UNC13B: variants seen among roughly 807,000 people sequenced by gnomAD.
UNC13B encodes protein unc-13 homolog B.
UNC13B carries 144 observed loss-of-function variants against 211.0 expected under a neutral mutation model. The observed-to-expected ratio is 0.68, with a 90% CI of 0.60 to 0.78. UNC13B has a LOEUF of 0.78. UNC13B is among the 30% of genes least tolerant of loss of function. The probability of loss-of-function intolerance (pLI) is 0.00; values close to 1 mark genes in which losing one functional copy is unlikely to be tolerated. For missense variants in UNC13B, 1,777 were observed against 2,002.0 expected (o/e 0.89, Z 2.14); for synonymous variants, 709 against 725.8 (o/e 0.98, Z 0.37).
intron 1 of UNC13B, among the ~76,000 whole-genome samples, chr9:35,162,549 C>T (rs1820837908): frequency 6.6e-6 from 1 of 152,208 alleles, no homozygotes; most frequent in Non-Finnish European, 1.5e-5. Context: ...TGTTGGACTG[C>T]AGGCTCAGAT....
intron 1 of UNC13B, among the ~76,000 whole-genome samples, chr9:35,192,921 A>G (rs1201700531): frequency 6.6e-6 from 1 of 152,112 alleles, no homozygotes; most frequent in Non-Finnish European, 1.5e-5. Flanking sequence ...TGGAGAGGAA[A>G]ACAGTGGGGA....
At chr9:35,383,028 G>C (rs942118904) in intron 21 of UNC13B, among the ~76,000 whole-genome samples, 2 of 152,186 alleles carry the variant, frequency 1.3e-5, no homozygotes, top group African/African-American at 2.4e-5. Flanking sequence ...GGTGGTTGGG[G>C]GTGGTACCAC....
rs975676205 is a variant in UNC13B, at chr9:35,259,801, G to T, written c.526+751G>T. ...TGTGTGTGTGTAGGGGGATGCGGGG[G>T]GGGGGGATTTTGATACTTTTGTGTT... On this transcript the variant is annotated intron_variant, in intron 7 of 39. Coordinates refer to ENST00000635942, the MANE Select transcript of UNC13B (RefSeq NM_001371189.2). Among the ~76,000 whole-genome samples the T allele has an allele frequency of 1.4e-4, 21 of 145,964 alleles. 3 individuals are homozygous for T. The highest frequency in any genetic ancestry group is 3.0e-4 in the Non-Finnish European group (20 of 66,346).
At chr9:35,192,534 C>T (rs980805382) in intron 1 of UNC13B, among the ~76,000 whole-genome samples, 2 of 152,164 alleles carry the variant, frequency 1.3e-5, no homozygotes, top group African/African-American at 4.8e-5. Flanking sequence ...GAGAATTGGC[C>T]TAAGTCTCCC....
chr9:35,230,866 C>G (rs1165064942), intron 2 of UNC13B, among the ~76,000 whole-genome samples: 1 of 152,060 alleles, frequency 6.6e-6, no homozygotes, highest in Non-Finnish European at 1.5e-5. Flanking sequence ...GTATGCATAT[C>G]TGTTGGGTCA....
At chr9:35,273,721 C>T (rs1029170066) in intron 7 of UNC13B, among the ~76,000 whole-genome samples, 41 of 152,256 alleles carry the variant, frequency 2.7e-4, no homozygotes, top group African/African-American at 7.9e-4. Flanking sequence ...ACAAAAAAAA[C>T]GCTAGGCAGG....
intron 11 of UNC13B, among the ~76,000 whole-genome samples, chr9:35,331,805 T>G (rs1831385245): frequency 6.6e-6 from 1 of 152,212 alleles, no homozygotes; most frequent in African/African-American, 2.4e-5. Flanking sequence ...ATTCTCCCAA[T>G]TCTCTTCCTT....
intron 1 of UNC13B, among the ~76,000 whole-genome samples, chr9:35,173,980 C>T (rs1821472594): frequency 6.6e-6 from 1 of 152,120 alleles, no homozygotes; most frequent in Admixed American, 6.6e-5. Context: ...ATACCTATAG[C>T]AAAGTATTGC....
intron 37 of UNC13B, chr9:35,402,072 T>C: frequency 1.4e-6 from 2 of 1,473,270 alleles, no homozygotes; most frequent in Non-Finnish European, 1.9e-6. Flanking sequence ...GGAGCTAGAA[T>C]GAGCAACTCG....
At chr9:35,242,729 AT>A (rs1254427510) in intron 5 of UNC13B, among the ~76,000 whole-genome samples, 1 of 152,194 alleles carries the variant, frequency 6.6e-6, no homozygotes, top group Non-Finnish European at 1.5e-5. Context: ...GCTATTGTGA[AT>A]AATGCTACTA....
At chr9:35,341,520 T>G (rs1831993611) in intron 11 of UNC13B, among the ~76,000 whole-genome samples, 1 of 152,072 alleles carries the variant, frequency 6.6e-6, no homozygotes, top group Non-Finnish European at 1.5e-5. Flanking sequence ...ACGGCTGGCA[T>G]GCTGTGTTCC....
At chr9:35,181,815 G>A (rs1403218578) in intron 1 of UNC13B, among the ~76,000 whole-genome samples, 1 of 152,120 alleles carries the variant, frequency 6.6e-6, no homozygotes, top group Admixed American at 6.6e-5. Context: ...CAGCGTGGGT[G>A]ACAGAGACTC....
chr9:35,223,152 C>T (rs1451934619), intron 1 of UNC13B, among the ~76,000 whole-genome samples: 1 of 152,190 alleles, frequency 6.6e-6, no homozygotes, highest in East Asian at 1.9e-4. Flanking sequence ...CTGCAGTAAA[C>T]ATGGGGATGC....
intron 13 of UNC13B, among the ~76,000 whole-genome samples, chr9:35,374,804 T>G (rs1397306582): frequency 1.3e-5 from 2 of 152,210 alleles, no homozygotes; most frequent in African/African-American, 4.8e-5. Context: ...AAGCTTTTCA[T>G]TTTCCTTTGC....
intron 1 of UNC13B, among the ~76,000 whole-genome samples, chr9:35,226,977 A>G (rs1237333762): frequency 2.6e-5 from 4 of 152,198 alleles, no homozygotes; most frequent in Admixed American, 6.5e-5. Context: ...TTATTGACCA[A>G]TTAGTAATTG....
In UNC13B at chr9:35,301,415, A is replaced by C. The variant is rs1250015020; in HGVS notation, c.2011A>C (p.Lys671Gln). ...LKIFSEKEETKKDDDQSKPPR... is the reference protein window; with the variant it reads ...LKIFSEKEETQKDDDQSKPPR... ...GATCTTTTCAGAAAAGGAGGAAACA[A>C]AAAAAGATGATGACCAGAGTAAGCC... Residue 671 changes from lysine to glutamine, a missense_variant, in exon 9 of 40, where the codon AAA becomes CAA. Coordinates refer to ENST00000635942, the MANE Select transcript of UNC13B (RefSeq NM_001371189.2). 1.3e-5 allele frequency: 5 copies of C among 398,706 alleles called. No individual in the cohort carries two copies. The highest frequency in any genetic ancestry group is 2.2e-5 in the Non-Finnish European group (5 of 225,956). The allele number at this position is 398,706 out of a possible 1,614,324, so 24.7% of individuals were successfully genotyped here. A position where few individuals can be genotyped will look rare whatever the true frequency, so the allele number is the denominator to read the frequency against.
intron 11 of UNC13B, among the ~76,000 whole-genome samples, chr9:35,333,960 G>GTTTTTTTT (rs555795828): frequency 7.8e-6 from 1 of 128,076 alleles, no homozygotes; most frequent in African/African-American, 3.1e-5. Context: ...TCATTTTTTT[G>GTTTTTTTT]TTTGTTTTTT....
chr9:35,262,016 C>T (rs1018875307), intron 7 of UNC13B, among the ~76,000 whole-genome samples: 6 of 152,048 alleles, frequency 3.9e-5, no homozygotes, highest in African/African-American at 7.2e-5. Context: ...TTTCCTTTTC[C>T]ATTCATCTGT....
intron 1 of UNC13B, among the ~76,000 whole-genome samples, chr9:35,215,538 T>G (rs988983338): frequency 6.6e-6 from 1 of 152,190 alleles, no homozygotes; most frequent in Admixed American, 6.5e-5. Flanking sequence ...AAGTAGAGAT[T>G]GTAGTTAAAG....
Sources: allele counts gnomAD v4.1 joint callset (sites outside exome capture counted in the v4.1 genomes callset), GRCh38; gene constraint gnomAD v4.1.1; transcripts MANE v1.5; gene names NCBI Gene and HGNC (gene_info 2026-07-23, HGNC 2026-07-21).